PABPC4L: variants seen among roughly 807,000 people sequenced by gnomAD.
PABPC4L encodes the protein poly(A) binding protein cytoplasmic 4 like, also known as polyadenylate-binding protein 4-like.
For missense variants in PABPC4L, 452 were observed against 451.4 expected, an observed-to-expected ratio of 1.00 and a Z score of -0.01; for synonymous variants, 169 against 164.1, an observed-to-expected ratio of 1.03 and a Z score of -0.23.
chr4:134,006,901 C>CA, the PABPC4L span, among the ~76,000 whole-genome samples: 22,509 of 147,940 alleles, frequency 0.15, 1,930 homozygotes, highest in Non-Finnish European at 0.2. Context: ...AGCAATGATG[C>CA]AAAAAAAAAA....
At chr4:134,185,189 T>C in the PABPC4L span, among the ~76,000 whole-genome samples, 1 of 152,018 alleles carries the variant, frequency 6.6e-6, no homozygotes, top group Admixed American at 6.6e-5. Context: ...ACGAATTGTG[T>C]CTTTGGTGTG....
the PABPC4L span, among the ~76,000 whole-genome samples, chr4:134,162,104 T>TA: frequency 6.6e-6 from 1 of 151,796 alleles, no homozygotes; most frequent in Non-Finnish European, 1.5e-5. Context: ...TGCAAGGAAT[T>TA]AAAAAATACT....
At chr4:134,024,145 C>A in the PABPC4L span, among the ~76,000 whole-genome samples, 258 of 152,202 alleles carry the variant, frequency 1.7e-3, 2 homozygotes, top group African/African-American at 5.8e-3. Context: ...GTCTCTGTTT[C>A]TCCAGGTGCA....
At chr4:134,056,505 T>G in the PABPC4L span, among the ~76,000 whole-genome samples, 8 of 152,086 alleles carry the variant, frequency 5.3e-5, no homozygotes, top group South Asian at 1.0e-3. Flanking sequence ...ATTTTTCATT[T>G]CTATTAGCAG....
the PABPC4L span, among the ~76,000 whole-genome samples, chr4:134,187,371 G>T: frequency 3.7e-4 from 56 of 151,972 alleles, no homozygotes; most frequent in East Asian, 0.01. Flanking sequence ...CCATAAAAAA[G>T]GATGAGTTCA....
the PABPC4L span, among the ~76,000 whole-genome samples, chr4:134,167,514 C>A: frequency 6.6e-6 from 1 of 151,760 alleles, no homozygotes; most frequent in Non-Finnish European, 1.5e-5. Context: ...AAAAACAGGA[C>A]TCAAGTATAT....
the PABPC4L span, among the ~76,000 whole-genome samples, chr4:134,110,326 G>C: frequency 6.6e-6 from 1 of 151,938 alleles, no homozygotes; most frequent in Non-Finnish European, 1.5e-5. Flanking sequence ...AAAAATTTAG[G>C]ATACTTTGAT....
the PABPC4L span, among the ~76,000 whole-genome samples, chr4:134,005,434 C>A: frequency 6.6e-6 from 1 of 151,764 alleles, no homozygotes. Context: ...CAGATTTATA[C>A]TTTACAAGAT....
At chr4:134,156,325 C>T in the PABPC4L span, among the ~76,000 whole-genome samples, 3 of 151,982 alleles carry the variant, frequency 2.0e-5, no homozygotes, top group East Asian at 3.9e-4. Flanking sequence ...ATTTTTCTAA[C>T]AGTAATTGCA....
chr4:134,126,780 C>G, the PABPC4L span, among the ~76,000 whole-genome samples: 2 of 152,208 alleles, frequency 1.3e-5, no homozygotes, highest in African/African-American at 4.8e-5. Flanking sequence ...GAGAAACAGA[C>G]TCTTTGGAGG....
At chr4:134,033,624 T>C in the PABPC4L span, among the ~76,000 whole-genome samples, 2 of 151,920 alleles carry the variant, frequency 1.3e-5, no homozygotes, top group Non-Finnish European at 2.9e-5. Flanking sequence ...TTATTTCTAA[T>C]ATGAAGAAAC....
the PABPC4L span, among the ~76,000 whole-genome samples, chr4:134,108,054 G>A: frequency 6.6e-6 from 1 of 151,380 alleles, no homozygotes; most frequent in Non-Finnish European, 1.5e-5. Context: ...GAAATTTGAA[G>A]TCCATTAAAA....
At chr4:134,126,075 GTAAAT>G in the PABPC4L span, among the ~76,000 whole-genome samples, 21 of 152,098 alleles carry the variant, frequency 1.4e-4, no homozygotes, top group Non-Finnish European at 2.8e-4. Context: ...TCTTTAATAA[GTAAAT>G]TGATAACATT....
At chr4:133,962,268 C>G in the PABPC4L span, among the ~76,000 whole-genome samples, 1 of 152,190 alleles carries the variant, frequency 6.6e-6, no homozygotes, top group Non-Finnish European at 1.5e-5. Context: ...AGGAATGGAT[C>G]TAAACCAAGA....
chr4:134,183,879 A>G, the PABPC4L span, among the ~76,000 whole-genome samples: 1 of 151,698 alleles, frequency 6.6e-6, no homozygotes, highest in Non-Finnish European at 1.5e-5. Context: ...GTATCAAAAA[A>G]AGCCATGATT....
the PABPC4L span, among the ~76,000 whole-genome samples, chr4:133,971,127 T>G: frequency 6.9e-6 from 1 of 145,276 alleles, no homozygotes; most frequent in South Asian, 2.3e-4. Context: ...TTTTTTTTTT[T>G]TTTGAGACGG....
At chr4:134,045,692 A>G in the PABPC4L span, among the ~76,000 whole-genome samples, 3 of 151,994 alleles carry the variant, frequency 2.0e-5, no homozygotes, top group South Asian at 6.2e-4. Context: ...TGATCCTGCA[A>G]TTTTGCCGGT....
At chr4:134,064,595 T>A in the PABPC4L span, among the ~76,000 whole-genome samples, 5 of 152,098 alleles carry the variant, frequency 3.3e-5, no homozygotes, top group South Asian at 2.1e-4. Context: ...TTTGGTTTTG[T>A]TTATTATTCT....
At chr4:134,143,157 T>C in the PABPC4L span, among the ~76,000 whole-genome samples, 1 of 151,236 alleles carries the variant, frequency 6.6e-6, no homozygotes, top group Non-Finnish European at 1.5e-5. Flanking sequence ...ACCTCAGAGT[T>C]TGTATGACAA....
Sources: allele counts gnomAD v4.1 joint callset (sites outside exome capture counted in the v4.1 genomes callset), GRCh38; gene constraint gnomAD v4.1.1; transcripts MANE v1.5; gene names NCBI Gene and HGNC (gene_info 2026-07-23, HGNC 2026-07-21).